Variants in DCC observed in about 807,000 individuals in gnomAD.
DCC encodes DCC netrin 1 receptor, also known as netrin receptor DCC.
In DCC, 58 loss-of-function variants were observed where a neutral mutation model predicts 172.5. The ratio of observed to expected loss-of-function variants is 0.34; its 90% CI spans 0.27 to 0.42. The LOEUF (loss-of-function observed/expected upper bound fraction) is 0.42. Ranked by LOEUF, DCC falls within the 10% of genes least tolerant of loss-of-function variation. DCC has a pLI of 1.00. For synonymous variants in DCC, 709 were observed against 644.5 expected, an observed-to-expected ratio of 1.10 and a Z score of -1.52; for missense variants, 1,740 against 1,791.0, an observed-to-expected ratio of 0.97 and a Z score of 0.51.
intron 7 of DCC, among the ~76,000 whole-genome samples, chr18:53,151,445 C>T (rs567583145): frequency 1.3e-5 from 2 of 152,178 alleles, no homozygotes; most frequent in Middle Eastern, 3.4e-3. Context: ...TAGCTTCATG[C>T]GTAACAGTAG....
At chr18:52,797,968 T>C (rs565447720) in intron 2 of DCC, among the ~76,000 whole-genome samples, 116 of 149,788 alleles carry the variant, frequency 7.7e-4, no homozygotes, top group Middle Eastern at 3.4e-3. Context: ...TGGTGGTGGG[T>C]GCACTGGACC....
chr18:52,906,886 G>A lies in DCC; in HGVS notation c.697+558G>A, dbSNP rs186432649. ...TTTTACCAATAAATAAGCATCTAGA[G>A]ATGAATGGCAACATCTTCATTACTA... On this transcript the variant is annotated intron_variant, in intron 3 of 28. Transcript: ENST00000442544. 4.6e-5 allele frequency among the ~76,000 whole-genome samples: 7 copies of A among 151,916 alleles called. No individual in the cohort carries two copies. In the East Asian group the frequency reaches 7.7e-4, roughly 17 times the overall value.
chr18:53,103,886 T>A (rs980756435), intron 7 of DCC, among the ~76,000 whole-genome samples: 3 of 151,908 alleles, frequency 2.0e-5, no homozygotes, highest in Non-Finnish European at 4.4e-5. Flanking sequence ...TACATGGGGG[T>A]TTAGAAGAAG....
chr18:53,003,086 T>G (rs1599018155), intron 5 of DCC, among the ~76,000 whole-genome samples: 1 of 152,102 alleles, frequency 6.6e-6, no homozygotes, highest in East Asian at 1.9e-4. Flanking sequence ...AAAACAAACC[T>G]CTATAACCAG....
rs1294085145 is a variant in DCC, at chr18:53,535,531, G to A, written c.*4878G>A. 1 of 152,124 alleles carries A rather than the reference G, an allele frequency of 6.6e-6. No homozygotes were observed. The highest frequency in any genetic ancestry group is 6.5e-5 in the Admixed American group (1 of 15,280). The allele number at this position is 152,124 out of a possible 1,614,324, so 9.4% of individuals were successfully genotyped here. The stretch of plus-strand genomic sequence containing the variant: ...TAGTGTGCTAGTGATAAGTTTATTT[G>A]GTAGAAATGGGTATACTACAGCTTT... On this transcript the variant is annotated 3_prime_UTR_variant, in exon 29 of 29. Coordinates refer to ENST00000442544, the MANE Select transcript of DCC (RefSeq NM_005215.4).
chr18:53,516,923 T>G (rs1446826100), intron 27 of DCC, among the ~76,000 whole-genome samples: 7 of 144,374 alleles, frequency 4.8e-5, no homozygotes, highest in Non-Finnish European at 7.4e-5. Flanking sequence ...GGAAATACCA[T>G]TTGACCCAGC....
intron 5 of DCC, among the ~76,000 whole-genome samples, chr18:53,047,923 G>C (rs932996709): frequency 6.7e-6 from 1 of 148,936 alleles, no homozygotes; most frequent in Non-Finnish European, 1.5e-5. Flanking sequence ...GTGTGTGTGT[G>C]TGTGTGTGTA....
At chr18:52,985,107 G>C (rs1259322463) in intron 5 of DCC, among the ~76,000 whole-genome samples, 1 of 151,800 alleles carries the variant, frequency 6.6e-6, no homozygotes, top group East Asian at 1.9e-4. Context: ...TGATTGTTCG[G>C]CTCTACCACG....
At chr18:52,512,331 C>G (rs925660640) in intron 1 of DCC, among the ~76,000 whole-genome samples, 1 of 152,126 alleles carries the variant, frequency 6.6e-6, no homozygotes, top group Non-Finnish European at 1.5e-5. Flanking sequence ...GTGCCACTAA[C>G]AAATTTGGCC....
intron 12 of DCC, among the ~76,000 whole-genome samples, chr18:53,245,960 A>T (rs2056359933): frequency 6.6e-6 from 1 of 152,006 alleles, no homozygotes. Flanking sequence ...AGCATTTTGG[A>T]TACCTTCACA....
At chr18:53,158,843 A>T (rs1158297183) in intron 8 of DCC, among the ~76,000 whole-genome samples, 1 of 151,840 alleles carries the variant, frequency 6.6e-6, no homozygotes, top group Non-Finnish European at 1.5e-5. Context: ...AATACAAAAA[A>T]TTAGCTGGGC....
chr18:53,006,864 A>C (rs1390015151), intron 5 of DCC, among the ~76,000 whole-genome samples: 1 of 152,222 alleles, frequency 6.6e-6, no homozygotes, highest in Non-Finnish European at 1.5e-5. Flanking sequence ...CCAACAGGGC[A>C]TGACATGGTC....
intron 5 of DCC, among the ~76,000 whole-genome samples, chr18:52,989,249 G>A (rs1220984536): frequency 2.6e-5 from 4 of 152,140 alleles, no homozygotes; most frequent in Admixed American, 6.5e-5. Flanking sequence ...TTGGCTGGGT[G>A]TGGTGGCTCA....
intron 27 of DCC, among the ~76,000 whole-genome samples, chr18:53,507,678 C>T (rs2046198132): frequency 6.6e-6 from 1 of 152,168 alleles, no homozygotes; most frequent in Non-Finnish European, 1.5e-5. Context: ...AAGCCCTATT[C>T]ATGAAACCGT....
At chr18:52,617,390 G>A (rs746252751) in intron 1 of DCC, among the ~76,000 whole-genome samples, 26 of 152,244 alleles carry the variant, frequency 1.7e-4, no homozygotes, top group Non-Finnish European at 3.2e-4. Context: ...AATGCTTAAT[G>A]TTAATGGCTG....
At chr18:53,129,134 A>G (rs867983992) in intron 7 of DCC, among the ~76,000 whole-genome samples, 1 of 151,762 alleles carries the variant, frequency 6.6e-6, no homozygotes, top group Non-Finnish European at 1.5e-5. Flanking sequence ...TGATCTTCAC[A>G]CCTCAGCCTC....
At chr18:52,456,957 T>C (rs894768618) in intron 1 of DCC, among the ~76,000 whole-genome samples, 1 of 152,124 alleles carries the variant, frequency 6.6e-6, no homozygotes, top group African/African-American at 2.4e-5. Flanking sequence ...TTGTTTTTTT[T>C]TTAAAAAAAT....
At chr18:53,416,644 A>G in intron 21 of DCC, 1 of 187,206 alleles carries the variant, frequency 5.3e-6, no homozygotes. Flanking sequence ...ATCATTGTTC[A>G]TTTTGAAGCC....
intron 15 of DCC, among the ~76,000 whole-genome samples, chr18:53,374,613 G>A (rs554811945): frequency 3.3e-5 from 5 of 151,874 alleles, no homozygotes; most frequent in Non-Finnish European, 7.4e-5. Context: ...TGAGTGAAAA[G>A]GCAAAATAAA....
Sources: gnomAD v4.1 joint callset for allele counts (sites outside exome capture counted in the v4.1 genomes callset) on GRCh38, gnomAD v4.1.1 for gene constraint, MANE v1.5 for transcripts, NCBI Gene and HGNC (gene_info 2026-07-23, HGNC 2026-07-21) for gene names.